The following AGAP1 variants were observed in gnomAD, a reference collection of about 807,000 sequenced individuals.
AGAP1 encodes the protein ArfGAP with GTPase domain, ankyrin repeat and PH domain 1.
A neutral mutation model predicts 105.3 loss-of-function variants in AGAP1; 29 were observed. The observed-to-expected ratio is 0.28, with a 90% CI of 0.21 to 0.38. AGAP1 has a LOEUF of 0.38. AGAP1 is among the 10% of genes least tolerant of loss of function. The pLI is 1.00. For missense variants in AGAP1, 998 were observed against 1,165.1 expected (o/e 0.86, Z 2.09); for synonymous variants, 509 against 485.9 (o/e 1.05, Z -0.63).
intron 16 of AGAP1, among the ~76,000 whole-genome samples, chr2:236,059,183 G>T (rs1215023489): frequency 1.3e-5 from 2 of 151,750 alleles, no homozygotes; most frequent in Admixed American, 6.6e-5. Context: ...AAATTCTATT[G>T]TATTTCTTTC....
rs55890259 is a variant in AGAP1 at position 235,535,493 on chromosome 2, T to TA, written c.163+40658dup. The stretch of plus-strand genomic sequence containing the variant: ...TGATCTTAGGGTAGTATTTTGGATT[T>TA]AAAAAAAAAAAAAACATGAAATGAA... On this transcript the variant is annotated intron_variant, in intron 1 of 17. Coordinates refer to ENST00000304032, the MANE Select transcript of AGAP1 (RefSeq NM_001037131.3). The surrounding 1 kb of genome is among the most constrained non-coding windows in gnomAD (Gnocchi z 5.1). 9.6e-5 allele frequency among the ~76,000 whole-genome samples: 14 copies of TA among 145,570 alleles called. No individual in the cohort carries two copies. Among genetic ancestry groups the TA allele is most frequent in the Non-Finnish European group, 1.4e-4 (9 of 66,418 alleles).
Position 235,958,746 on chromosome 2 carries a change from G to A in AGAP1, c.1484-9716G>A, listed in dbSNP as rs546438488. ...CTTGGGCCTGTCTGCCGGAATGATA[G>A]CTAAGAATACATTCCTGGCCCATCA... is the stretch of plus-strand genomic sequence containing the variant. On this transcript the variant is annotated intron_variant, in intron 12 of 17. Transcript: ENST00000304032. This position sits in a 1 kb window ranked among gnomAD's most constrained non-coding sequence, Gnocchi z 4.1. Among the ~76,000 whole-genome samples the A allele has an allele frequency of 8.5e-5, 13 of 152,308 alleles. No individual in the cohort carries two copies. The highest frequency in any genetic ancestry group is 1.6e-4 in the Non-Finnish European group (11 of 68,030).
chr2:236,098,427 G>A (rs779357205), intron 16 of AGAP1, among the ~76,000 whole-genome samples: 2 of 151,860 alleles, frequency 1.3e-5, no homozygotes, highest in South Asian at 4.2e-4. Context: ...AAAATCAGCC[G>A]GGCATGGTGG....
intron 1 of AGAP1, among the ~76,000 whole-genome samples, chr2:235,496,625 T>G (rs1029912340): frequency 5.3e-5 from 8 of 152,242 alleles, no homozygotes; most frequent in African/African-American, 1.9e-4. Flanking sequence ...CATGAAGACC[T>G]CTGGCTGAGT....
At position 235,901,974 on chromosome 2, in the gene AGAP1, G is replaced by C. The variant is rs1426339246; in HGVS notation, c.1156-6764G>C. ...TCATCATGTTAGAAATTCAAACAAA[G>C]AAAATATGTAATCCATTTAAAATAA... On this transcript the variant is annotated intron_variant, in intron 10 of 17. Transcript: ENST00000304032. The surrounding 1 kb of genome is among the most constrained non-coding windows in gnomAD (Gnocchi z 4.3). 2.0e-5 allele frequency among the ~76,000 whole-genome samples: 3 copies of C among 151,838 alleles called. No individual in the cohort carries two copies. Among genetic ancestry groups the C allele is most frequent in the Non-Finnish European group, 4.4e-5 (3 of 67,974 alleles).
chr2:235,809,234 C>T (rs527766301), intron 9 of AGAP1, among the ~76,000 whole-genome samples: 3 of 152,170 alleles, frequency 2.0e-5, no homozygotes, highest in Admixed American at 2.0e-4. Context: ...GCTTTGCAGG[C>T]TAGCTTTTCA....
At chr2:236,022,752 C>T (rs2056925661) in intron 13 of AGAP1, among the ~76,000 whole-genome samples, 1 of 152,168 alleles carries the variant, frequency 6.6e-6, no homozygotes, top group East Asian at 1.9e-4. Flanking sequence ...GCAGGCTGCT[C>T]CCGAACTCCT....
At chr2:235,704,377 G>C (rs918358344) in intron 1 of AGAP1, among the ~76,000 whole-genome samples, 17 of 151,790 alleles carry the variant, frequency 1.1e-4, no homozygotes, top group African/African-American at 4.1e-4. Flanking sequence ...GGCCGGGCGT[G>C]GTGGCTCATG....
chr2:235,904,382 G>A lies in AGAP1; in HGVS notation c.1156-4356G>A, dbSNP rs191730130. On this transcript the variant is annotated intron_variant, in intron 10 of 17. Coordinates refer to ENST00000304032, the MANE Select transcript of AGAP1 (RefSeq NM_001037131.3). The surrounding 1 kb of genome is among the most constrained non-coding windows in gnomAD (Gnocchi z 4.2). Reference sequence around the variant, plus strand: ...ATGATGATCATGGACAACTTGAGAAGGAAAATGCAAATAGGTTTGCAATTA... The same window carrying A: ...ATGATGATCATGGACAACTTGAGAAAGAAAATGCAAATAGGTTTGCAATTA... 3.2e-4 allele frequency among the ~76,000 whole-genome samples: 49 copies of A among 152,238 alleles called. No individual in the cohort carries two copies. The East Asian group carries it at 6.4e-3, about 20-fold the overall frequency.
intron 6 of AGAP1, among the ~76,000 whole-genome samples, chr2:235,765,757 C>T (rs1281157346): frequency 6.6e-6 from 1 of 152,186 alleles, no homozygotes; most frequent in Non-Finnish European, 1.5e-5. Flanking sequence ...TTTCAGAAAA[C>T]TCTCTCATTC....
intron 1 of AGAP1, among the ~76,000 whole-genome samples, chr2:235,640,909 G>A (rs554813721): frequency 6.6e-6 from 1 of 152,174 alleles, no homozygotes; most frequent in Non-Finnish European, 1.5e-5. Context: ...ACTCATTTAG[G>A]TGGGCTGGCA....
chr2:235,650,186 C>A (rs970963142), intron 1 of AGAP1, among the ~76,000 whole-genome samples: 5 of 152,080 alleles, frequency 3.3e-5, no homozygotes, highest in African/African-American at 4.8e-5. Context: ...ACATGAAGAA[C>A]CCCGTCTCTA....
chr2:235,532,741 A>G (rs1446274741), intron 1 of AGAP1, among the ~76,000 whole-genome samples: 1 of 152,240 alleles, frequency 6.6e-6, no homozygotes, highest in Admixed American at 6.5e-5. Flanking sequence ...AGAAGTGAAA[A>G]GAAAACCAAG....
chr2:235,628,545 G>A (rs1222090055), intron 1 of AGAP1, among the ~76,000 whole-genome samples: 2 of 152,284 alleles, frequency 1.3e-5, no homozygotes, highest in South Asian at 4.2e-4. Context: ...AGAGCCCAGG[G>A]TATCTTTGGG....
chr2:235,937,993 A>G (rs1287093940), intron 12 of AGAP1, among the ~76,000 whole-genome samples: 1 of 152,256 alleles, frequency 6.6e-6, no homozygotes, highest in Non-Finnish European at 1.5e-5. Context: ...AAAGAAAGGA[A>G]AGCCGGTTTC....
At chr2:235,704,117 A>C (rs1950403635) in intron 1 of AGAP1, among the ~76,000 whole-genome samples, 1 of 152,164 alleles carries the variant, frequency 6.6e-6, no homozygotes, top group Admixed American at 6.5e-5. Context: ...GGACACTGGG[A>C]TGGGCAGGGC....
chr2:235,520,068 C>A (rs1358624952), intron 1 of AGAP1, among the ~76,000 whole-genome samples: 1 of 152,216 alleles, frequency 6.6e-6, no homozygotes, highest in Non-Finnish European at 1.5e-5. Context: ...AGGCATGAGC[C>A]ACCAGGCCCG....
At position 235,549,862 on chromosome 2, in the gene AGAP1, G is replaced by T. The variant is rs1943748557; in HGVS notation, c.163+55013G>T. The stretch of plus-strand genomic sequence containing the variant: ...CCCCGGGAGCATGGGGATTAGTGGA[G>T]TGAGTGGGAGGACTCGCCCTGCGCA... On this transcript the variant is annotated intron_variant, in intron 1 of 17. Coordinates refer to ENST00000304032, the MANE Select transcript of AGAP1 (RefSeq NM_001037131.3). This position sits in a 1 kb window ranked among gnomAD's most constrained non-coding sequence, Gnocchi z 4.2. Among the ~76,000 whole-genome samples the T allele has an allele frequency of 6.6e-6, 1 of 152,182 alleles. No individual in the cohort carries two copies. The highest frequency in any genetic ancestry group is 2.1e-4 in the South Asian group (1 of 4,828).
chr2:235,618,678 G>C (rs542149027), intron 1 of AGAP1, among the ~76,000 whole-genome samples: 1 of 152,264 alleles, frequency 6.6e-6, no homozygotes, highest in South Asian at 2.1e-4. Flanking sequence ...AATAGTGGCT[G>C]TTAATAATTA....
Sources: allele counts gnomAD v4.1 joint callset (sites outside exome capture counted in the v4.1 genomes callset), GRCh38; gene constraint gnomAD v4.1.1; non-coding constraint Gnocchi (gnomAD v3.1); transcripts MANE v1.5; gene names NCBI Gene and HGNC (gene_info 2026-07-23, HGNC 2026-07-21).